CYP7B1: variants seen among roughly 807,000 people sequenced by gnomAD.
CYP7B1 encodes the protein cytochrome P450 7B1.
A neutral mutation model predicts 42.7 loss-of-function variants in CYP7B1; 29 were observed. The ratio of observed to expected loss-of-function variants is 0.68; its 90% CI spans 0.51 to 0.93. CYP7B1 has a LOEUF of 0.93. Among genes scored for constraint, CYP7B1 ranks in the 40% least tolerant of loss-of-function variants. The pLI is 0.00. For missense variants in CYP7B1, 655 were observed against 600.5 expected (o/e 1.09, Z -0.95); for synonymous variants, 235 against 218.2 (o/e 1.08, Z -0.68).
At chr8:64,684,366 C>T (rs769820271) in intron 1 of CYP7B1, among the ~76,000 whole-genome samples, 5 of 152,006 alleles carry the variant, frequency 3.3e-5, no homozygotes, top group East Asian at 1.9e-4. Flanking sequence ...AAACTGAGAG[C>T]GATAACAATA....
At chr8:64,684,083 C>T (rs977337839) in intron 1 of CYP7B1, among the ~76,000 whole-genome samples, 12 of 152,208 alleles carry the variant, frequency 7.9e-5, no homozygotes, top group African/African-American at 2.9e-4. Flanking sequence ...TATGATCTGT[C>T]TCGTCCATTA....
chr8:64,603,788 T>C (rs188245178), intron 5 of CYP7B1, among the ~76,000 whole-genome samples: 42 of 152,366 alleles, frequency 2.8e-4, no homozygotes, highest in African/African-American at 9.6e-4. Context: ...TATTTGAATC[T>C]GCTCTCTTCT....
At chr8:64,719,372 T>A (rs1479615342) in intron 1 of CYP7B1, among the ~76,000 whole-genome samples, 1 of 152,226 alleles carries the variant, frequency 6.6e-6, no homozygotes, top group Non-Finnish European at 1.5e-5. Context: ...ATTCATGTAT[T>A]ATTAAGTTAA....
intron 1 of CYP7B1, among the ~76,000 whole-genome samples, chr8:64,683,448 G>A (rs971531344): frequency 6.6e-6 from 1 of 152,194 alleles, no homozygotes; most frequent in South Asian, 2.1e-4. Context: ...GGCTGCAAGG[G>A]TAGTGGGAGT....
At chr8:64,648,019 C>A (rs1028736131) in intron 1 of CYP7B1, among the ~76,000 whole-genome samples, 1 of 152,132 alleles carries the variant, frequency 6.6e-6, no homozygotes, top group Non-Finnish European at 1.5e-5. Flanking sequence ...TTAATCAATT[C>A]ATTAATTCAA....
chr8:64,677,706 GTTTTT>G (rs11435388), intron 1 of CYP7B1, among the ~76,000 whole-genome samples: 1 of 86,398 alleles, frequency 1.2e-5, no homozygotes, highest in African/African-American at 4.5e-5. Flanking sequence ...ACACTCCTTG[GTTTTT>G]TTTTTTTTTT....
Position 64,594,570 on chromosome 8 carries a change from T to C in CYP7B1, c.*2072A>G, listed in dbSNP as rs1022492477. On this transcript the variant is annotated 3_prime_UTR_variant, in exon 6 of 6. Coordinates refer to ENST00000310193, the MANE Select transcript of CYP7B1 (RefSeq NM_004820.5). The stretch of plus-strand genomic sequence containing the variant: ...GGTATTAGGGACAAAACAGAATAAG[T>C]AAATAAAGCCAGAGGGACCTTATTA... Among the ~76,000 whole-genome samples the C allele has an allele frequency of 1.3e-5, 2 of 152,152 alleles. No homozygotes were observed. The highest frequency in any genetic ancestry group is 2.4e-5 in the African/African-American group (1 of 41,426).
At chr8:64,601,096 T>G (rs2129629857) in intron 5 of CYP7B1, among the ~76,000 whole-genome samples, 1 of 152,362 alleles carries the variant, frequency 6.6e-6, no homozygotes, top group African/African-American at 2.4e-5. Context: ...GCCATGTCAT[T>G]CTAAGAACAG....
At chr8:64,749,775 T>C in intron 1 of CYP7B1, among the ~76,000 whole-genome samples, 1 of 152,186 alleles carries the variant, frequency 6.6e-6, no homozygotes. Context: ...ACTATCCATA[T>C]ATTTAATCAA....
chr8:64,634,983 G>A (rs996899797), intron 1 of CYP7B1, among the ~76,000 whole-genome samples: 1 of 152,182 alleles, frequency 6.6e-6, no homozygotes, highest in Non-Finnish European at 1.5e-5. Flanking sequence ...CACAGTTGCA[G>A]TGCAGCTGTT....
At chr8:64,738,086 G>A (rs1333155808) in intron 1 of CYP7B1, among the ~76,000 whole-genome samples, 1 of 152,260 alleles carries the variant, frequency 6.6e-6, no homozygotes, top group South Asian at 2.1e-4. Flanking sequence ...TTCTGACCTA[G>A]AGCTGAATAT....
At position 64,657,827 on chromosome 8, in the gene CYP7B1, T is replaced by C. The variant is rs374439265; in HGVS notation, c.123-33288A>G. ...TAGTAGAGGATGACAAAAATAACAGTGTAAGCTGAAACTGCAAAGTGATCT... is the reference window on the plus strand; with the variant it reads ...TAGTAGAGGATGACAAAAATAACAGCGTAAGCTGAAACTGCAAAGTGATCT... On this transcript the variant is annotated intron_variant, in intron 1 of 5. Coordinates refer to ENST00000310193, the MANE Select transcript of CYP7B1 (RefSeq NM_004820.5). Among the ~76,000 whole-genome samples the C allele has an allele frequency of 4.8e-4, 73 of 152,296 alleles. 1 individual carries two copies. In the South Asian group the frequency reaches 0.015, roughly 31 times the overall value.
At chr8:64,587,477 G>A (rs1007249549), downstream of CYP7B1, among the ~76,000 whole-genome samples, 1 of 152,192 alleles carries the variant, frequency 6.6e-6, no homozygotes, top group Non-Finnish European at 1.5e-5. Context: ...AGGCATGTGG[G>A]TTCACACGCA....
At chr8:64,705,434 T>C (rs1210869018) in intron 1 of CYP7B1, among the ~76,000 whole-genome samples, 1 of 151,926 alleles carries the variant, frequency 6.6e-6, no homozygotes, top group East Asian at 1.9e-4. Context: ...ACTGAATCAA[T>C]GAGTGAATGA....
intron 1 of CYP7B1, chr8:64,703,757 A>G (rs896139262): frequency 6.6e-6 from 1 of 152,112 alleles, no homozygotes; most frequent in Non-Finnish European, 1.5e-5. Flanking sequence ...AGCATGAAAT[A>G]ATAATCAATA....
intron 1 of CYP7B1, among the ~76,000 whole-genome samples, chr8:64,675,562 A>G (rs1563386350): frequency 6.6e-6 from 1 of 151,382 alleles, no homozygotes; most frequent in East Asian, 1.9e-4. Context: ...CTTCTTTATT[A>G]ATTTTAAAAA....
intron 1 of CYP7B1, among the ~76,000 whole-genome samples, chr8:64,794,644 G>T (rs1804677243): frequency 6.6e-6 from 1 of 152,128 alleles, no homozygotes; most frequent in South Asian, 2.1e-4. Flanking sequence ...TTGCCCTAAT[G>T]ATCTAATTAT....
At chr8:64,735,294 T>C (rs979780445) in intron 1 of CYP7B1, among the ~76,000 whole-genome samples, 5 of 152,196 alleles carry the variant, frequency 3.3e-5, no homozygotes, top group Non-Finnish European at 5.9e-5. Flanking sequence ...TTTTGAGAAA[T>C]CACAGACACA....
At chr8:64,731,536 ACT>A (rs773112234) in intron 1 of CYP7B1, among the ~76,000 whole-genome samples, 6 of 152,112 alleles carry the variant, frequency 3.9e-5, no homozygotes, top group Non-Finnish European at 8.8e-5. Flanking sequence ...AAGTTTGGAA[ACT>A]CTGCAGCCTA....
Sources: gnomAD v4.1 joint callset for allele counts (sites outside exome capture counted in the v4.1 genomes callset) on GRCh38, gnomAD v4.1.1 for gene constraint, MANE v1.5 for transcripts, NCBI Gene and HGNC (gene_info 2026-07-23, HGNC 2026-07-21) for gene names.